The following DNAJA4 variants were observed in gnomAD, a reference collection of about 807,000 sequenced individuals.
DNAJA4 encodes DnaJ heat shock protein family (Hsp40) member A4.
In DNAJA4, 32 loss-of-function variants were observed where a neutral mutation model predicts 39.7. The observed-to-expected ratio is 0.81, with a 90% CI of 0.61 to 1.08. DNAJA4 has a LOEUF of 1.08. DNAJA4 is among the 50% of genes least tolerant of loss of function. DNAJA4 has a pLI of 0.00. For missense variants in DNAJA4, 439 were observed against 505.1 expected (o/e 0.87, Z 1.25); for synonymous variants, 184 against 182.4 (o/e 1.01, Z -0.07).
At chr15:78,267,149 T>TGA (rs2049149557) in intron 1 of DNAJA4, among the ~76,000 whole-genome samples, 1 of 113,408 alleles carries the variant, frequency 8.8e-6, no homozygotes, top group Admixed American at 8.4e-5. Flanking sequence ...TGAGTGTGTG[T>TGA]GTGAGTGTGT....
At chr15:78,265,940 A>G in intron 1 of DNAJA4, 1 of 587,998 alleles carries the variant, frequency 1.7e-6, no homozygotes, top group Non-Finnish European at 3.0e-6. Context: ...GGAGAAAGCT[A>G]CTTCAGGACG....
chr15:78,267,168 G>GTGTGTGTGTGAGTGTGTA (rs1555438043), intron 1 of DNAJA4, among the ~76,000 whole-genome samples: 27 of 102,314 alleles, frequency 2.6e-4, no homozygotes, highest in African/African-American at 8.6e-4. Flanking sequence ...GTATGTGAGT[G>GTGTGTGTGTGAGTGTGTA]TGTGAGTGTG....
rs772832121 is a variant in DNAJA4 at position 78,280,109 on chromosome 15, A to G, written c.942A>G (p.Ala314=). ...VRDEGMPIYK[A]PLEKGILIIQ... ...ATGAAGGAATGCCCATCTACAAAGC[A>G]CCCCTGGAAAAAGGGATTCTGATCA... The change falls in exon 6 of 7, where the codon GCA becomes GCG. Residue 314 remains alanine, a synonymous_variant. Coordinates refer to ENST00000394852, the MANE Select transcript of DNAJA4 (RefSeq NM_001130182.2). The G allele has an allele frequency of 1.2e-6, 2 of 1,614,036 alleles. No homozygotes were observed. The highest frequency in any genetic ancestry group is 2.7e-5 in the African/African-American group (2 of 74,916).
In DNAJA4 at chr15:78,264,913, G is replaced by A. The variant is rs2049077976; in HGVS notation, c.132+18G>A. Reference sequence around the variant, plus strand: ...GCGAGAAGGTGCGGGGCGGCGCGGGGCACGGGCCGGGCTCCCGAGGGGCCA... The same window carrying A: ...GCGAGAAGGTGCGGGGCGGCGCGGGACACGGGCCGGGCTCCCGAGGGGCCA... On this transcript the variant is annotated intron_variant, in intron 1 of 6. Transcript: ENST00000394852. The A allele has an allele frequency of 2.5e-6, 4 of 1,572,886 alleles. No homozygotes were observed. The highest frequency in any genetic ancestry group is 1.8e-5 in the Admixed American group (1 of 55,498).
At position 78,264,655 on chromosome 15, in the gene DNAJA4, G is replaced by A; in HGVS notation, c.-109G>A. ...CGGCGGCGGCGGCGACCGTGACCGTGACGCGCGAGCGGGCGGCGGGGGCGC... is the reference window on the plus strand; with the variant it reads ...CGGCGGCGGCGGCGACCGTGACCGTAACGCGCGAGCGGGCGGCGGGGGCGC... On this transcript the variant is annotated 5_prime_UTR_variant, in exon 1 of 7. Coordinates refer to ENST00000394852, the MANE Select transcript of DNAJA4 (RefSeq NM_001130182.2). The A allele has an allele frequency of 9.8e-7, 1 of 1,020,900 alleles. No homozygotes were observed. Among genetic ancestry groups the A allele is most frequent in the Non-Finnish European group, 1.2e-6 (1 of 853,538 alleles). 63.2% of individuals were successfully genotyped at this position (1,020,900 alleles called of 1,614,324 possible). A position where few individuals can be genotyped will look rare whatever the true frequency, so the allele number is the denominator to read the frequency against.
chr15:78,268,846 G>A (rs1421048775), intron 1 of DNAJA4, among the ~76,000 whole-genome samples: 2 of 152,226 alleles, frequency 1.3e-5, no homozygotes, highest in East Asian at 3.8e-4. Context: ...ATAAGCAGTA[G>A]ATGATGCAGC....
intron 1 of DNAJA4, chr15:78,266,177 T>C (rs1206253203): frequency 3.8e-6 from 6 of 1,585,780 alleles, no homozygotes; most frequent in Non-Finnish European, 5.2e-6. Context: ...GGTCCGCTTC[T>C]GACAGTCTCC....
chr15:78,273,259 C>A, intron 3 of DNAJA4, 60 bp downstream of exon 3: 2 of 1,010,488 alleles, frequency 2.0e-6, no homozygotes, highest in Non-Finnish European at 3.1e-6. Context: ...AGAAACAATG[C>A]TTGTTTTATA....
rs559067737 is a variant in DNAJA4 at position 78,279,835 on chromosome 15, G to A, written c.878-210G>A. The A allele has an allele frequency of 4.3e-4, 259 of 597,832 alleles. 1 individual carries two copies. The African/African-American group carries it at 4.3e-3, about 10-fold the overall frequency. 37.0% of individuals were successfully genotyped at this position (597,832 alleles called of 1,614,324 possible). A position where few individuals can be genotyped will look rare whatever the true frequency, so the allele number is the denominator to read the frequency against. ...TCTTGACACACTGCTGGAGCCCAGA[G>A]CACAGGCCAGAGTCTCAGCCTGAGC... On this transcript the variant is annotated intron_variant, in intron 5 of 6. Coordinates refer to ENST00000394852, the MANE Select transcript of DNAJA4 (RefSeq NM_001130182.2). This position sits in a 1 kb window ranked among gnomAD's most constrained non-coding sequence, Gnocchi z 4.5.
chr15:78,278,638 A>G (rs941612718), intron 5 of DNAJA4, among the ~76,000 whole-genome samples: 3 of 152,040 alleles, frequency 2.0e-5, no homozygotes, highest in Admixed American at 6.6e-5. Context: ...AAAGGTCACT[A>G]TGCTGTGCAT....
chr15:78,273,697 T>C (rs11856774), intron 3 of DNAJA4, among the ~76,000 whole-genome samples: 13,055 of 152,254 alleles, frequency 0.086, 572 homozygotes, highest in East Asian at 0.12. Context: ...CCAAGCAGTC[T>C]GGCCATGGTT....
intron 1 of DNAJA4, among the ~76,000 whole-genome samples, chr15:78,269,216 C>T (rs369127623): frequency 2.0e-5 from 3 of 152,254 alleles, no homozygotes; most frequent in South Asian, 2.1e-4. Context: ...AGCAGAGGAT[C>T]GACCCAATTA....
Position 78,275,525 on chromosome 15 carries a change from T to A in DNAJA4, c.674T>A (p.Phe225Tyr). ...KGMKDGQKILFHGEGDQEPEL... is the reference protein window; with the variant it reads ...KGMKDGQKILYHGEGDQEPEL... ...ATGAAAGATGGGCAAAAGATACTAT[T>A]TCATGGAGAAGGAGATCAGGAGCCT... Residue 225 changes from phenylalanine to tyrosine, a missense_variant, in exon 5 of 7, where the codon TTT becomes TAT. Coordinates refer to ENST00000394852, the MANE Select transcript of DNAJA4 (RefSeq NM_001130182.2). 6.2e-7 allele frequency: 1 copy of A among 1,614,098 alleles called. No individual in the cohort carries two copies. Among genetic ancestry groups the A allele is most frequent in the Non-Finnish European group, 8.5e-7 (1 of 1,179,996 alleles).
At chr15:78,268,678 T>C (rs575904915) in intron 1 of DNAJA4, among the ~76,000 whole-genome samples, 1 of 152,306 alleles carries the variant, frequency 6.6e-6, no homozygotes, top group South Asian at 2.1e-4. Flanking sequence ...AGATCCTACC[T>C]CATTTATTTA....
At chr15:78,275,451 T>G in intron 4 of DNAJA4, 47 bp from the exon 5 acceptor site, 2 of 1,468,316 alleles carry the variant, frequency 1.4e-6, no homozygotes, top group Non-Finnish European at 1.9e-6. Flanking sequence ...TAAGGAAGCA[T>G]GGTTTGTATG....
Position 78,279,841 on chromosome 15 carries a change from G to T in DNAJA4, c.878-204G>T. 1 of 601,562 alleles carries T rather than the reference G, an allele frequency of 1.7e-6. No homozygotes were observed. Among genetic ancestry groups the T allele is most frequent in the African/African-American group, 1.9e-5 (1 of 53,976 alleles). The allele number at this position is 601,562 out of a possible 1,614,324, so 37.3% of individuals were successfully genotyped here. On this transcript the variant is annotated intron_variant, in intron 5 of 6. Coordinates refer to ENST00000394852, the MANE Select transcript of DNAJA4 (RefSeq NM_001130182.2). This position sits in a 1 kb window ranked among gnomAD's most constrained non-coding sequence, Gnocchi z 4.5. ...CACACTGCTGGAGCCCAGAGCACAG[G>T]CCAGAGTCTCAGCCTGAGCCCCTTC...
At chr15:78,265,974 G>C in intron 1 of DNAJA4, 1 of 585,852 alleles carries the variant, frequency 1.7e-6, no homozygotes, top group Non-Finnish European at 3.0e-6. Flanking sequence ...CAACAGTGAT[G>C]GAATATTTAT....
In DNAJA4 at chr15:78,270,566, G is replaced by A. The variant is rs775570430; in HGVS notation, c.202G>A (p.Gly68Arg). 5.0e-6 allele frequency: 8 copies of A among 1,614,174 alleles called. No homozygotes were observed. Among genetic ancestry groups the A allele is most frequent in the Admixed American group, 1.7e-5 (1 of 60,016 alleles). ...GAAAAGGGATGTTTATGACCAAGGCGGAGAGCAGGCAATTAAAGAAGGAGG... is the reference window on the plus strand; with the variant it reads ...GAAAAGGGATGTTTATGACCAAGGCAGAGAGCAGGCAATTAAAGAAGGAGG... Reference protein sequence around the residue: ...PKKRDVYDQGGEQAIKEGGSG... With the variant: ...PKKRDVYDQGREQAIKEGGSG... Residue 68 changes from glycine to arginine, a missense_variant, in exon 2 of 7, where the codon GGA becomes AGA. Physicochemically the swap from Gly to Arg is moderately radical, Grantham distance 125. Coordinates refer to ENST00000394852, the MANE Select transcript of DNAJA4 (RefSeq NM_001130182.2).
At chr15:78,273,752 A>T (rs1207161402) in intron 3 of DNAJA4, among the ~76,000 whole-genome samples, 2 of 152,202 alleles carry the variant, frequency 1.3e-5, no homozygotes, top group Non-Finnish European at 2.9e-5. Flanking sequence ...TGTAATTTTT[A>T]AAAAACCTGA....
Sources: gnomAD v4.1 joint callset for allele counts (sites outside exome capture counted in the v4.1 genomes callset) on GRCh38, gnomAD v4.1.1 for gene constraint, Gnocchi (gnomAD v3.1) non-coding constraint, MANE v1.5 for transcripts, NCBI Gene and HGNC (gene_info 2026-07-23, HGNC 2026-07-21) for gene names.